CCDC178: variants seen among roughly 807,000 people sequenced by gnomAD.
CCDC178 encodes coiled-coil domain containing 178, also known as coiled-coil domain-containing protein 178.
Under a neutral mutation model 117.4 loss-of-function variants are expected in CCDC178, and 126 were observed. The observed-to-expected ratio is 1.07, with a 90% CI of 0.93 to 1.24. CCDC178 has a LOEUF of 1.24. Ranked by LOEUF, CCDC178 falls within the 50% of genes most tolerant of loss-of-function variation. The pLI is 0.00. For synonymous variants in CCDC178, 283 were observed against 313.4 expected, an observed-to-expected ratio of 0.90 and a Z score of 1.02; for missense variants, 1,030 against 986.9, an observed-to-expected ratio of 1.04 and a Z score of -0.59.
intron 15 of CCDC178, among the ~76,000 whole-genome samples, chr18:33,236,995 T>C (rs1396652228): frequency 6.6e-6 from 1 of 152,094 alleles, no homozygotes; most frequent in Non-Finnish European, 1.5e-5. Context: ...CTGCTGAAAA[T>C]TTATACTGTT....
At chr18:33,103,519 C>T (rs1235134641) in intron 20 of CCDC178, among the ~76,000 whole-genome samples, 1 of 150,940 alleles carries the variant, frequency 6.6e-6, no homozygotes, top group Non-Finnish European at 1.5e-5. Context: ...ATTTTTCCAG[C>T]AGAGGACCAT....
At chr18:33,398,849 T>C (rs1172448947) in intron 3 of CCDC178, among the ~76,000 whole-genome samples, 1 of 152,208 alleles carries the variant, frequency 6.6e-6, no homozygotes, top group Non-Finnish European at 1.5e-5. Flanking sequence ...TGTGTGATAA[T>C]ATTATATCTA....
chr18:33,226,487 T>C (rs1369478682), intron 16 of CCDC178, among the ~76,000 whole-genome samples: 1 of 152,140 alleles, frequency 6.6e-6, no homozygotes, highest in Non-Finnish European at 1.5e-5. Flanking sequence ...AAAGAAAACA[T>C]AACATCACCA....
At chr18:33,361,539 A>C (rs1471588749) in intron 6 of CCDC178, among the ~76,000 whole-genome samples, 2 of 151,804 alleles carry the variant, frequency 1.3e-5, no homozygotes, top group African/African-American at 4.8e-5. Flanking sequence ...CATACTAGGA[A>C]AAAAATAATT....
intron 22 of CCDC178, among the ~76,000 whole-genome samples, chr18:32,953,541 C>T (rs572037940): frequency 1.3e-5 from 2 of 152,098 alleles, no homozygotes; most frequent in East Asian, 3.9e-4. Flanking sequence ...CTGAAGGTTC[C>T]AATAATAATA....
chr18:33,233,994 A>G (rs759250324), intron 15 of CCDC178, among the ~76,000 whole-genome samples: 2 of 152,140 alleles, frequency 1.3e-5, no homozygotes, highest in Non-Finnish European at 2.9e-5. Context: ...TGACAAGCAA[A>G]GTACTAACCC....
At chr18:33,377,648 T>C (rs2063383205) in intron 5 of CCDC178, among the ~76,000 whole-genome samples, 1 of 152,214 alleles carries the variant, frequency 6.6e-6, no homozygotes, top group Admixed American at 6.5e-5. Context: ...AGGGGTCCAA[T>C]TTCAATCTTC....
chr18:33,420,904 C>T (rs539716810), intron 2 of CCDC178, among the ~76,000 whole-genome samples: 6 of 152,094 alleles, frequency 3.9e-5, no homozygotes, highest in African/African-American at 1.4e-4. Context: ...CTATAAATAA[C>T]CTATATAAAA....
chr18:33,003,461 A>G lies in CCDC178; in HGVS notation c.2389-28780T>C, dbSNP rs142114270. Among the ~76,000 whole-genome samples, 271 of 152,272 alleles carry G rather than the reference A, an allele frequency of 1.8e-3. 2 individuals carry two copies. Among genetic ancestry groups the G allele is most frequent in the African/African-American group, 6.3e-3 (260 of 41,558 alleles). The stretch of plus-strand genomic sequence containing the variant: ...ACATGATCATTCCAGTTGATGCTGT[A>G]AAAACATTTGATAAAATTTAACATC... On this transcript the variant is annotated intron_variant, in intron 21 of 22. Coordinates refer to ENST00000383096, the MANE Select transcript of CCDC178 (RefSeq NM_001105528.4).
At chr18:33,386,394 G>T (rs1165400155) in intron 5 of CCDC178, among the ~76,000 whole-genome samples, 1 of 151,662 alleles carries the variant, frequency 6.6e-6, no homozygotes, top group East Asian at 1.9e-4. Flanking sequence ...ATACAACAGA[G>T]ATACAACAAC....
intron 10 of CCDC178, among the ~76,000 whole-genome samples, chr18:33,329,547 TGTGA>T (rs754591888): frequency 7.9e-5 from 12 of 152,328 alleles, no homozygotes; most frequent in African/African-American, 2.2e-4. Context: ...GAGACAATCG[TGTGA>T]GTGTGTGTGT....
intron 20 of CCDC178, among the ~76,000 whole-genome samples, chr18:33,131,665 T>C (rs2058069973): frequency 6.6e-6 from 1 of 151,772 alleles, no homozygotes; most frequent in Admixed American, 6.6e-5. Context: ...CCCTGAATGA[T>C]TGTTTCAGAG....
chr18:33,345,621 A>G (rs1021740599), intron 9 of CCDC178, among the ~76,000 whole-genome samples: 2 of 152,158 alleles, frequency 1.3e-5, no homozygotes, highest in South Asian at 2.1e-4. Context: ...TTAAATTCCT[A>G]AAGTTCTAGA....
intron 11 of CCDC178, among the ~76,000 whole-genome samples, chr18:33,319,852 T>C (rs1297402939): frequency 6.6e-6 from 1 of 152,242 alleles, no homozygotes; most frequent in Non-Finnish European, 1.5e-5. Flanking sequence ...GAGAAGTGTC[T>C]GTTCATATCC....
chr18:33,256,353 G>C (rs1279215684), intron 14 of CCDC178, among the ~76,000 whole-genome samples: 1 of 152,010 alleles, frequency 6.6e-6, no homozygotes, highest in Admixed American at 6.6e-5. Context: ...ACTATGTCTT[G>C]AACAGGGCAG....
rs2063289523 is a variant in CCDC178, at chr18:33,370,991, A to C, written c.209-802T>G. On this transcript the variant is annotated intron_variant, in intron 5 of 22. Transcript: ENST00000383096. ...CAATCACTGATCTTAAATGGGAGAC[A>C]CAAAATATGCTCAGCGCCTCAATGA... Among the ~76,000 whole-genome samples the C allele has an allele frequency of 4.6e-5, 7 of 152,154 alleles. No homozygotes were observed. The South Asian group carries it at 1.2e-3, about 27-fold the overall frequency.
At chr18:33,244,806 A>C (rs1046004963) in intron 15 of CCDC178, among the ~76,000 whole-genome samples, 1 of 151,934 alleles carries the variant, frequency 6.6e-6, no homozygotes, top group Non-Finnish European at 1.5e-5. Flanking sequence ...TTCTGCAGAA[A>C]TGTAGTCTAC....
intron 21 of CCDC178, among the ~76,000 whole-genome samples, chr18:33,084,074 T>G (rs2057339639): frequency 6.6e-6 from 1 of 152,256 alleles, no homozygotes; most frequent in African/African-American, 2.4e-5. Context: ...CTTGGCATAT[T>G]GGGACTTTTT....
At chr18:33,225,862 C>T (rs758437555) in intron 16 of CCDC178, among the ~76,000 whole-genome samples, 1 of 142,568 alleles carries the variant, frequency 7.0e-6, no homozygotes, top group Non-Finnish European at 1.6e-5. Context: ...TGTAGATCAT[C>T]TCAAAAAACA....
Sources: allele counts gnomAD v4.1 joint callset (sites outside exome capture counted in the v4.1 genomes callset), GRCh38; gene constraint gnomAD v4.1.1; transcripts MANE v1.5; gene names NCBI Gene and HGNC (gene_info 2026-07-23, HGNC 2026-07-21).